The following ASXL3 variants were observed in gnomAD, a reference collection of about 807,000 sequenced individuals.
ASXL3 encodes putative Polycomb group protein ASXL3.
ASXL3 carries 34 observed loss-of-function variants against 170.6 expected under a neutral mutation model. The observed-to-expected ratio is 0.20, with a 90% CI of 0.15 to 0.27. The LOEUF is 0.27. Ranked by LOEUF, ASXL3 falls within the 10% of genes least tolerant of loss-of-function variation. The pLI is 1.00. For missense variants in ASXL3, 2,592 were observed against 2,695.3 expected, an observed-to-expected ratio of 0.96 and a Z score of 0.85; for synonymous variants, 1,002 against 989.1, an observed-to-expected ratio of 1.01 and a Z score of -0.24.
In ASXL3 at chr18:33,747,484, A is replaced by C. The variant is rs527268699; in HGVS notation, c.*889A>C. 6.6e-6 allele frequency: 1 copy of C among 152,196 alleles called. No homozygotes were observed. The highest frequency in any genetic ancestry group is 1.5e-5 in the Non-Finnish European group (1 of 68,008). 9.4% of individuals were successfully genotyped at this position (152,196 alleles called of 1,614,324 possible). On this transcript the variant is annotated 3_prime_UTR_variant, in exon 12 of 12. Transcript: ENST00000269197. ...ATGCTGTATATGCACACATAAATGC[A>C]TTGATAATGTAAATATCCTATTCAC...
intron 2 of ASXL3, among the ~76,000 whole-genome samples, chr18:33,616,398 C>CTGTGTG (rs34006188): frequency 6.9e-4 from 104 of 149,650 alleles, no homozygotes; most frequent in African/African-American, 9.3e-4. Context: ...TTGTGTGTGC[C>CTGTGTG]TGTGTGTGTG....
chr18:33,687,576 C>T (rs1255353409), intron 8 of ASXL3, among the ~76,000 whole-genome samples: 3 of 152,148 alleles, frequency 2.0e-5, no homozygotes, highest in South Asian at 2.1e-4. Context: ...CCAAATGAAA[C>T]GGGTTCATTC....
In ASXL3 at chr18:33,661,620, T is replaced by C; in HGVS notation, c.360T>C (p.Cys120=). Residue 120 remains cysteine (C), a synonymous_variant, in exon 5 of 12, where the codon TGT becomes TGC. Transcript: ENST00000269197. ...ANAHGEENGV[C]SKQVTDEASS... ...ATTATCTCTCTCTGTTTCTAGTTTG[T>C]TCGAAGCAGGTAACTGATGAAGCAT... The C allele has an allele frequency of 6.2e-7, 1 of 1,609,296 alleles. No homozygotes were observed. Among genetic ancestry groups the C allele is most frequent in the Non-Finnish European group, 8.5e-7 (1 of 1,177,474 alleles).
At chr18:33,676,031 T>C (rs920120822) in intron 7 of ASXL3, among the ~76,000 whole-genome samples, 7 of 151,750 alleles carry the variant, frequency 4.6e-5, no homozygotes, top group Non-Finnish European at 7.4e-5. Context: ...GAGACCATCC[T>C]GGCTAACACA....
intron 7 of ASXL3, 35 bp from the exon 8 acceptor site, chr18:33,683,370 G>A: frequency 6.9e-6 from 11 of 1,583,596 alleles, no homozygotes; most frequent in South Asian, 1.2e-5. Flanking sequence ...CCCTCTACCT[G>A]TAGTAAATTC....
chr18:33,703,135 A>G (rs2145330369), intron 8 of ASXL3, among the ~76,000 whole-genome samples: 1 of 152,184 alleles, frequency 6.6e-6, no homozygotes, highest in African/African-American at 2.4e-5. Flanking sequence ...TTAGCTTGTT[A>G]CATTCATAAA....
chr18:33,623,118 G>A (rs1410346756), intron 2 of ASXL3, among the ~76,000 whole-genome samples: 1 of 152,060 alleles, frequency 6.6e-6, no homozygotes, highest in Non-Finnish European at 1.5e-5. Context: ...CCACCTTCAA[G>A]GCCTAATTCA....
chr18:33,586,230 T>C (rs990836015), intron 1 of ASXL3, among the ~76,000 whole-genome samples: 4 of 152,070 alleles, frequency 2.6e-5, no homozygotes, highest in African/African-American at 9.7e-5. Context: ...TCAAAATAAA[T>C]TACTACATAT....
chr18:33,694,199 T>G (rs1599503926), intron 8 of ASXL3, among the ~76,000 whole-genome samples: 1 of 152,148 alleles, frequency 6.6e-6, no homozygotes, highest in East Asian at 1.9e-4. Context: ...CTTAATAAAT[T>G]CACTGCTTGG....
At chr18:33,735,709 A>G (rs189198848) in intron 10 of ASXL3, among the ~76,000 whole-genome samples, 662 of 152,248 alleles carry the variant, frequency 4.3e-3, no homozygotes, top group African/African-American at 0.015. Flanking sequence ...AAATGCGGGG[A>G]GCTCTCTTTT....
intron 2 of ASXL3, among the ~76,000 whole-genome samples, chr18:33,644,436 A>C (rs1303555857): frequency 6.6e-6 from 1 of 150,446 alleles, no homozygotes; most frequent in Admixed American, 6.7e-5. Flanking sequence ...TTGCTTTTAA[A>C]CGAATGGGAT....
chr18:33,614,080 A>G (rs1322065229), intron 2 of ASXL3, among the ~76,000 whole-genome samples: 1 of 152,126 alleles, frequency 6.6e-6, no homozygotes, highest in Non-Finnish European at 1.5e-5. Flanking sequence ...TAAGACAACA[A>G]TGAAGTGTTC....
intron 1 of ASXL3, among the ~76,000 whole-genome samples, chr18:33,589,117 A>G (rs1399899979): frequency 6.6e-6 from 1 of 152,192 alleles, no homozygotes; most frequent in Non-Finnish European, 1.5e-5. Context: ...AGTCAGGCAG[A>G]TTTGAGTTTG....
chr18:33,648,826 A>C (rs1458730166), intron 4 of ASXL3, among the ~76,000 whole-genome samples: 1 of 152,076 alleles, frequency 6.6e-6, no homozygotes, highest in Non-Finnish European at 1.5e-5. Flanking sequence ...CATATGAAGA[A>C]AGTATTTTGG....
chr18:33,716,353 A>G (rs2067165454), intron 8 of ASXL3, among the ~76,000 whole-genome samples: 1 of 152,204 alleles, frequency 6.6e-6, no homozygotes, highest in Admixed American at 6.5e-5. Context: ...AGTGAAGAAA[A>G]CATTTAAACT....
intron 8 of ASXL3, among the ~76,000 whole-genome samples, chr18:33,713,344 C>CCA (rs35660488): frequency 4.5e-5 from 6 of 133,352 alleles, no homozygotes; most frequent in East Asian, 2.2e-4. Context: ...AACCTCCACC[C>CCA]CCCCCCGGGT....
intron 2 of ASXL3, among the ~76,000 whole-genome samples, chr18:33,613,835 G>A (rs1228518707): frequency 6.6e-6 from 1 of 152,080 alleles, no homozygotes; most frequent in Non-Finnish European, 1.5e-5. Context: ...TGAAGCAGGA[G>A]GATCACTTGA....
chr18:33,615,003 A>T (rs1248142198), intron 2 of ASXL3: 2 of 152,102 alleles, frequency 1.3e-5, no homozygotes, highest in African/African-American at 4.8e-5. Flanking sequence ...ATCAACTTCA[A>T]CTTAAAATCA....
intron 2 of ASXL3, among the ~76,000 whole-genome samples, chr18:33,619,674 A>C (rs574049298): frequency 1.6e-4 from 25 of 152,190 alleles, no homozygotes; most frequent in Admixed American, 4.6e-4. Flanking sequence ...GACTTCATGA[A>C]ACTCAATTTT....
Sources: gnomAD v4.1 joint callset for allele counts (sites outside exome capture counted in the v4.1 genomes callset) on GRCh38, gnomAD v4.1.1 for gene constraint, MANE v1.5 for transcripts, NCBI Gene and HGNC (gene_info 2026-07-23, HGNC 2026-07-21) for gene names.